The following ROBO2 variants were observed in gnomAD, a reference collection of about 807,000 sequenced individuals.
ROBO2 encodes the protein roundabout guidance receptor 2.
Under a neutral mutation model 160.8 loss-of-function variants are expected in ROBO2, and 53 were observed. The observed-to-expected ratio is 0.33, with a 90% CI of 0.26 to 0.41. The LOEUF (loss-of-function observed/expected upper bound fraction) is 0.41, where lower values mean the gene tolerates loss of function less well. ROBO2 is among the 10% of genes least tolerant of loss of function. The probability of loss-of-function intolerance (pLI) is 1.00; values close to 1 mark genes in which losing one functional copy is unlikely to be tolerated. For synonymous variants in ROBO2, 664 were observed against 611.7 expected (o/e 1.09, Z -1.26); for missense variants, 1,577 against 1,722.4 (o/e 0.92, Z 1.49).
chr3:76,388,753 GT>G (rs2077012513), intron 2 of ROBO2, among the ~76,000 whole-genome samples: 1 of 151,690 alleles, frequency 6.6e-6, no homozygotes, highest in Non-Finnish European at 1.5e-5. Context: ...TCTGGCCACT[GT>G]TTTTATGCGT....
intron 21 of ROBO2, among the ~76,000 whole-genome samples, chr3:77,614,744 ACC>A (rs1345588499): frequency 0.016 from 2,305 of 144,302 alleles, 58 homozygotes; most frequent in African/African-American, 0.055. Flanking sequence ...CAACCAACCA[ACC>A]AACCAACCAA....
At chr3:76,991,021 G>T (rs752052632) in intron 2 of ROBO2, among the ~76,000 whole-genome samples, 1 of 152,146 alleles carries the variant, frequency 6.6e-6, no homozygotes, top group Non-Finnish European at 1.5e-5. Context: ...AGGTCAGAAG[G>T]TCAAACTGGT....
At chr3:76,025,872 CCT>C (rs1290699482) in intron 2 of ROBO2, among the ~76,000 whole-genome samples, 6 of 151,932 alleles carry the variant, frequency 3.9e-5, no homozygotes, top group African/African-American at 1.2e-4. Context: ...GGCATCTAGT[CCT>C]ATGCTAATGA....
At chr3:76,216,452 G>A (rs1703537331) in intron 2 of ROBO2, among the ~76,000 whole-genome samples, 2 of 152,110 alleles carry the variant, frequency 1.3e-5, no homozygotes, top group African/African-American at 2.4e-5. Flanking sequence ...TCAAAATAAA[G>A]GGATGGAGGA....
chr3:76,143,111 C>G (rs1333507248), intron 2 of ROBO2, among the ~76,000 whole-genome samples: 1 of 151,978 alleles, frequency 6.6e-6, no homozygotes, highest in African/African-American at 2.4e-5. Flanking sequence ...ACAGCATCCT[C>G]GAACTCCCTG....
At chr3:76,175,370 A>G (rs2107046223) in intron 2 of ROBO2, among the ~76,000 whole-genome samples, 1 of 152,018 alleles carries the variant, frequency 6.6e-6, no homozygotes. Flanking sequence ...ATTTCTATGC[A>G]TGCTAATTGT....
chr3:77,551,221 A>T (rs774500332), intron 8 of ROBO2, among the ~76,000 whole-genome samples: 7 of 152,058 alleles, frequency 4.6e-5, no homozygotes, highest in Non-Finnish European at 7.4e-5. Flanking sequence ...TAAAAATAGA[A>T]TAGTGCATTT....
chr3:77,003,297 A>T (rs188899083), intron 2 of ROBO2, among the ~76,000 whole-genome samples: 2 of 152,300 alleles, frequency 1.3e-5, no homozygotes, highest in East Asian at 3.9e-4. Flanking sequence ...ATCCAGGAAG[A>T]ATTCAGAATA....
In ROBO2 at chr3:77,574,499, G is replaced by T. The variant is rs372550683; in HGVS notation, c.1972G>T (p.Val658Phe). Residue 658 changes from valine to phenylalanine, a missense_variant and splice_region_variant, in exon 14 of 26, where the codon GTT (valine) becomes TTT (phenylalanine). Val to Phe is a conservative substitution (Grantham distance 50). Transcript: ENST00000461745. ...AAATGCCCTTAACTATGTTTTTCAG[G>T]TTGATCGCCAACCCCAGTTTATCCA... 5 of 1,612,766 alleles carry T rather than the reference G, an allele frequency of 3.1e-6. No individual in the cohort carries two copies. In the African/African-American group the frequency reaches 5.3e-5, roughly 17 times the overall value.
intron 2 of ROBO2, among the ~76,000 whole-genome samples, chr3:77,419,707 T>A (rs577531326): frequency 6.6e-6 from 1 of 152,242 alleles, no homozygotes; most frequent in East Asian, 1.9e-4. Flanking sequence ...ATTTGAGGAT[T>A]GAAAGCTTTA....
At chr3:76,434,459 A>C (rs1424697435) in intron 2 of ROBO2, 5 of 1,552,534 alleles carry the variant, frequency 3.2e-6, no homozygotes, top group Non-Finnish European at 4.4e-6. Flanking sequence ...CACTTATGTG[A>C]AAGAAATGAA....
intron 2 of ROBO2, among the ~76,000 whole-genome samples, chr3:76,409,403 A>G (rs1361435403): frequency 6.6e-6 from 1 of 152,110 alleles, no homozygotes; most frequent in Admixed American, 6.6e-5. Flanking sequence ...CCTACTCATT[A>G]CTAGCCTTTT....
At chr3:77,562,850 A>G (rs1487456108) in intron 10 of ROBO2, 118 bp downstream of exon 11, 1 of 792,150 alleles carries the variant, frequency 1.3e-6, no homozygotes, top group Non-Finnish European at 2.2e-6. Flanking sequence ...TTTAGCCTTT[A>G]CATTCAATGC....
intron 17 of ROBO2, among the ~76,000 whole-genome samples, 176 bp from the exon 19 acceptor site, chr3:77,594,966 C>T (rs1008900901): frequency 2.0e-5 from 3 of 152,152 alleles, no homozygotes; most frequent in Non-Finnish European, 2.9e-5. Context: ...CAAATGATGG[C>T]TTTGCCTTGG....
chr3:77,170,467 G>C (rs2079529646), intron 2 of ROBO2, among the ~76,000 whole-genome samples: 1 of 152,044 alleles, frequency 6.6e-6, no homozygotes, highest in Non-Finnish European at 1.5e-5. Flanking sequence ...AAGAATCTGA[G>C]AGTTAAGGAA....
At chr3:76,217,347 A>T (rs548495099) in intron 2 of ROBO2, among the ~76,000 whole-genome samples, 1 of 152,190 alleles carries the variant, frequency 6.6e-6, no homozygotes, top group Non-Finnish European at 1.5e-5. Flanking sequence ...GACACAAAAA[A>T]CCTTTCAAAA....
At chr3:77,170,945 CA>C (rs1053104892) in intron 2 of ROBO2, among the ~76,000 whole-genome samples, 1 of 151,820 alleles carries the variant, frequency 6.6e-6, no homozygotes, top group Admixed American at 6.6e-5. Context: ...TTAAAAAGAA[CA>C]AAAAAAGTCT....
intron 2 of ROBO2, among the ~76,000 whole-genome samples, chr3:77,148,532 G>C (rs1411512885): frequency 6.6e-6 from 1 of 152,168 alleles, no homozygotes; most frequent in Non-Finnish European, 1.5e-5. Context: ...AAGAACTATT[G>C]TGTATTCAGT....
chr3:77,337,919 A>G (rs1449101680), intron 2 of ROBO2, among the ~76,000 whole-genome samples: 1 of 152,122 alleles, frequency 6.6e-6, no homozygotes, highest in East Asian at 1.9e-4. Flanking sequence ...GACTCCACAA[A>G]CCAGCATAAC....
Sources: gnomAD v4.1 joint callset for allele counts (sites outside exome capture counted in the v4.1 genomes callset) on GRCh38, gnomAD v4.1.1 for gene constraint, MANE v1.5 for transcripts, NCBI Gene and HGNC (gene_info 2026-07-23, HGNC 2026-07-21) for gene names.